SEMA3E: variants seen among roughly 807,000 people sequenced by gnomAD.
SEMA3E encodes the protein semaphorin-3E.
In SEMA3E, 49 loss-of-function variants were observed where a neutral mutation model predicts 93.6. That is an observed-to-expected ratio of 0.52 (90% CI 0.42 to 0.66). SEMA3E has a LOEUF of 0.66. Ranked by LOEUF, SEMA3E falls within the 30% of genes least tolerant of loss-of-function variation. The pLI, the probability that SEMA3E is intolerant of heterozygous loss-of-function variation, is 0.00. For synonymous variants in SEMA3E, 363 were observed against 330.7 expected (o/e 1.10, Z -1.06); for missense variants, 906 against 964.8 (o/e 0.94, Z 0.81).
At chr7:83,506,784 C>G (rs1584295932) in intron 1 of SEMA3E, among the ~76,000 whole-genome samples, 2 of 151,986 alleles carry the variant, frequency 1.3e-5, no homozygotes, top group African/African-American at 4.8e-5. Flanking sequence ...ACACTGAGAA[C>G]AAGAGAATGG....
intron 1 of SEMA3E, among the ~76,000 whole-genome samples, chr7:83,639,093 A>T (rs1183861332): frequency 4.2e-4 from 51 of 121,586 alleles, no homozygotes; most frequent in Non-Finnish European, 6.7e-4. Context: ...CCTGGGCGAC[A>T]GAGCGAGACT....
At chr7:83,547,223 G>T (rs908908129) in intron 1 of SEMA3E, among the ~76,000 whole-genome samples, 1 of 152,018 alleles carries the variant, frequency 6.6e-6, no homozygotes, top group Non-Finnish European at 1.5e-5. Flanking sequence ...TCTTTATGAA[G>T]TAATATTTTA....
intron 15 of SEMA3E, among the ~76,000 whole-genome samples, chr7:83,386,546 A>G (rs1293074333): frequency 6.6e-6 from 1 of 152,180 alleles, no homozygotes; most frequent in East Asian, 1.9e-4. Context: ...TAGATAAAAG[A>G]GTAAAAGCTT....
chr7:83,569,430 G>T (rs768395227), intron 1 of SEMA3E, among the ~76,000 whole-genome samples: 4 of 151,974 alleles, frequency 2.6e-5, no homozygotes, highest in Admixed American at 6.6e-5. Flanking sequence ...CACTTAAAAG[G>T]TATAGAGTGG....
In SEMA3E at chr7:83,409,996, A is replaced by G. The variant is rs571198004; in HGVS notation, c.551-1509T>C. On this transcript the variant is annotated intron_variant, in intron 5 of 16. Coordinates refer to ENST00000643230, the MANE Select transcript of SEMA3E (RefSeq NM_012431.3). ...AAGATGATTGCTTTTGTTATACCAA[A>G]TTTAGAATAATATGATATAAATTAA... 4.6e-5 allele frequency among the ~76,000 whole-genome samples: 7 copies of G among 151,796 alleles called. No homozygotes were observed. In the East Asian group the frequency reaches 1.2e-3, roughly 25 times the overall value.
intron 4 of SEMA3E, among the ~76,000 whole-genome samples, chr7:83,423,145 C>G (rs932501507): frequency 6.6e-6 from 1 of 152,266 alleles, no homozygotes; most frequent in East Asian, 1.9e-4. Context: ...TCAAATGGCA[C>G]CCAGAATCAT....
chr7:83,395,991 A>G (rs968704167), intron 12 of SEMA3E, among the ~76,000 whole-genome samples: 8 of 151,892 alleles, frequency 5.3e-5, no homozygotes, highest in Non-Finnish European at 1.2e-4. Context: ...TCACTAGTTC[A>G]GTGTTACAAC....
intron 1 of SEMA3E, among the ~76,000 whole-genome samples, chr7:83,510,108 G>C (rs997004257): frequency 6.6e-6 from 1 of 151,768 alleles, no homozygotes; most frequent in African/African-American, 2.4e-5. Context: ...ACATTCTTGA[G>C]TATTATTGTC....
chr7:83,416,668 T>C (rs1788546993), intron 5 of SEMA3E, among the ~76,000 whole-genome samples: 1 of 152,048 alleles, frequency 6.6e-6, no homozygotes, highest in Non-Finnish European at 1.5e-5. Flanking sequence ...AAGAATTACA[T>C]TTAGTATTTA....
chr7:83,532,389 C>T (rs1185214353), intron 1 of SEMA3E, among the ~76,000 whole-genome samples: 1 of 152,126 alleles, frequency 6.6e-6, no homozygotes, highest in Non-Finnish European at 1.5e-5. Flanking sequence ...TGAGGACACA[C>T]ACCAAGATGA....
chr7:83,408,663 C>T (rs1481041224), intron 5 of SEMA3E, among the ~76,000 whole-genome samples, 176 bp from the exon 6 acceptor site: 1 of 152,160 alleles, frequency 6.6e-6, no homozygotes, highest in Non-Finnish European at 1.5e-5. Flanking sequence ...GAGTCTGTCA[C>T]TTACTAGGTG....
At chr7:83,396,554 A>T (rs1007531673) in intron 12 of SEMA3E, 84 bp downstream of exon 12, 3 of 825,466 alleles carry the variant, frequency 3.6e-6, no homozygotes, top group Non-Finnish European at 4.1e-6. Flanking sequence ...TAGGGAAAAA[A>T]AAATGGACAT....
At chr7:83,515,434 AT>A (rs1790906543) in intron 1 of SEMA3E, among the ~76,000 whole-genome samples, 1 of 152,142 alleles carries the variant, frequency 6.6e-6, no homozygotes, top group African/African-American at 2.4e-5. Context: ...GCAGAAAATG[AT>A]ACTGATTTTC....
chr7:83,481,969 G>C (rs1397193502), intron 2 of SEMA3E, among the ~76,000 whole-genome samples: 1 of 152,062 alleles, frequency 6.6e-6, no homozygotes, highest in African/African-American at 2.4e-5. Context: ...CAACCCTCAT[G>C]CACATTACAA....
chr7:83,527,778 A>AT (rs11344671), intron 1 of SEMA3E, among the ~76,000 whole-genome samples: 80 of 140,030 alleles, frequency 5.7e-4, no homozygotes, highest in African/African-American at 1.9e-3. Flanking sequence ...AATTTTTGTG[A>AT]TTTTTTTTTT....
At chr7:83,381,814 G>A (rs2116911500) in intron 16 of SEMA3E, among the ~76,000 whole-genome samples, 1 of 151,944 alleles carries the variant, frequency 6.6e-6, no homozygotes, top group Non-Finnish European at 1.5e-5. Flanking sequence ...CTACCAATAG[G>A]CATATAGTAG....
At chr7:83,537,235 A>G (rs532068441) in intron 1 of SEMA3E, among the ~76,000 whole-genome samples, 4 of 152,316 alleles carry the variant, frequency 2.6e-5, no homozygotes, top group African/African-American at 4.8e-5. Context: ...TGAGGCATCC[A>G]TTCTGTGGTA....
intron 4 of SEMA3E, among the ~76,000 whole-genome samples, chr7:83,431,136 TATATA>T (rs1224531647): frequency 6.6e-6 from 1 of 151,048 alleles, no homozygotes; most frequent in Non-Finnish European, 1.5e-5. Context: ...CTGCTATTAA[TATATA>T]ATATAGTAGG....
At chr7:83,375,240 T>G (rs1794804339) in intron 16 of SEMA3E, among the ~76,000 whole-genome samples, 1 of 152,102 alleles carries the variant, frequency 6.6e-6, no homozygotes, top group African/African-American at 2.4e-5. Context: ...AAGAAGAAAG[T>G]ATGATAAATC....
Sources: gnomAD v4.1 joint callset for allele counts (sites outside exome capture counted in the v4.1 genomes callset) on GRCh38, gnomAD v4.1.1 for gene constraint, MANE v1.5 for transcripts, NCBI Gene and HGNC (gene_info 2026-07-23, HGNC 2026-07-21) for gene names.